The following FBXO33 variants were observed in gnomAD, a reference collection of about 807,000 sequenced individuals.
FBXO33 encodes F-box protein 33.
FBXO33 carries 22 observed loss-of-function variants against 46.3 expected under a neutral mutation model. The observed-to-expected ratio is 0.48, with a 90% confidence interval of 0.34 to 0.68. FBXO33 has a LOEUF of 0.68. Among genes scored for constraint, FBXO33 ranks in the 30% least tolerant of loss-of-function variants. FBXO33 has a pLI of 0.01. For missense variants in FBXO33, 692 were observed against 708.8 expected (o/e 0.98, Z 0.27); for synonymous variants, 337 against 291.3 (o/e 1.16, Z -1.60).
chr14:39,404,953 TC>T lies in FBXO33; in HGVS notation c.600-2443del, dbSNP rs777165419. ...CACGAGGTCAGGAGTTCGAGACCAG[TC>T]CGGCCAACATAGTGAAACCCCATGT... On this transcript the variant is annotated intron_variant, in intron 1 of 3. Transcript: ENST00000298097. Among the ~76,000 whole-genome samples the T allele has an allele frequency of 6.8e-4, 103 of 151,602 alleles. 1 individual carries two copies. The highest frequency in any genetic ancestry group is 4.6e-3 in the Admixed American group (70 of 15,238).
chr14:39,430,880 A>T (rs1047109505), intron 1 of FBXO33, among the ~76,000 whole-genome samples: 17 of 152,010 alleles, frequency 1.1e-4, no homozygotes, highest in Admixed American at 6.6e-4. Flanking sequence ...CCCTCTGCAG[A>T]CCCTGGCCAA....
intron 1 of FBXO33, among the ~76,000 whole-genome samples, chr14:39,416,764 T>G (rs2139413004): frequency 6.6e-6 from 1 of 152,312 alleles, no homozygotes; most frequent in South Asian, 2.1e-4. Flanking sequence ...TACCAGTGTT[T>G]TCATGTAACT....
At chr14:39,415,309 A>G (rs1209645542) in intron 1 of FBXO33, among the ~76,000 whole-genome samples, 1 of 152,190 alleles carries the variant, frequency 6.6e-6, no homozygotes. Flanking sequence ...GAAAATGACG[A>G]CGACAACAAC....
chr14:39,431,677 G>T lies in FBXO33; in HGVS notation c.486C>A (p.Thr162=). The change falls in exon 1 of 4, where the codon ACC becomes ACA. Residue 162 remains threonine, a synonymous_variant. Coordinates refer to ENST00000298097, the MANE Select transcript of FBXO33 (RefSeq NM_203301.4). ...GGPGDGGGAD[T]GTGGEEVEAL... ...CCTCGACTTCCTCCCCTCCAGTCCC[G>T]GTGTCCGCGCCACCTCCGTCCCCTG... is the stretch of plus-strand genomic sequence containing the variant. 1 of 1,613,506 alleles carries T rather than the reference G, an allele frequency of 6.2e-7. No individual in the cohort carries two copies. The highest frequency in any genetic ancestry group is 8.5e-7 in the Non-Finnish European group (1 of 1,179,988).
At chr14:39,418,636 G>A (rs1476981944) in intron 1 of FBXO33, among the ~76,000 whole-genome samples, 2 of 151,244 alleles carry the variant, frequency 1.3e-5, no homozygotes, top group African/African-American at 2.4e-5. Context: ...TTAGCCAGGC[G>A]TGGTGGCGGG....
intron 1 of FBXO33, among the ~76,000 whole-genome samples, chr14:39,404,618 G>A (rs1232066350): frequency 6.6e-6 from 1 of 152,072 alleles, no homozygotes; most frequent in African/African-American, 2.4e-5. Flanking sequence ...GAGCCACCGT[G>A]CCCGGCTTTA....
chr14:39,401,989 C>A, intron 2 of FBXO33, 128 bp from the exon 3 acceptor site: 1 of 689,440 alleles, frequency 1.5e-6, no homozygotes, highest in South Asian at 2.0e-5. Flanking sequence ...TAGGTAATTT[C>A]GATTCAACCC....
intron 3 of FBXO33, among the ~76,000 whole-genome samples, chr14:39,400,923 A>AT (rs1445605657): frequency 1.3e-5 from 2 of 152,186 alleles, no homozygotes; most frequent in Non-Finnish European, 2.9e-5. Flanking sequence ...AATTTCACTG[A>AT]TTTTTTATGA....
chr14:39,421,844 A>ATTCTTTTTTTT (rs2075486533), intron 1 of FBXO33, among the ~76,000 whole-genome samples: 1 of 152,084 alleles, frequency 6.6e-6, no homozygotes, highest in African/African-American at 2.4e-5. Context: ...AAGAATAACC[A>ATTCTTTTTTTT]AAAAGGGGAA....
At chr14:39,412,179 G>A (rs2075426515) in intron 1 of FBXO33, among the ~76,000 whole-genome samples, 1 of 152,014 alleles carries the variant, frequency 6.6e-6, no homozygotes, top group Non-Finnish European at 1.5e-5. Flanking sequence ...TTTTATTATT[G>A]TATTGTTGTT....
At chr14:39,418,249 G>A in intron 1 of FBXO33, among the ~76,000 whole-genome samples, 1 of 150,820 alleles carries the variant, frequency 6.6e-6, no homozygotes, top group Middle Eastern at 3.4e-3. Context: ...GTTTTTAGTA[G>A]AGATGGGGTT....
At chr14:39,407,913 T>C (rs967177769) in intron 1 of FBXO33, among the ~76,000 whole-genome samples, 9 of 152,180 alleles carry the variant, frequency 5.9e-5, no homozygotes, top group Admixed American at 2.6e-4. Context: ...CAAACAGTTG[T>C]ATAAAAGCTC....
At chr14:39,429,642 C>A (rs1421705030) in intron 1 of FBXO33, among the ~76,000 whole-genome samples, 1 of 152,222 alleles carries the variant, frequency 6.6e-6, no homozygotes, top group African/African-American at 2.4e-5. Context: ...AATTACACTA[C>A]ATTTTGAGAC....
rs750744489 is a variant in FBXO33 at position 39,399,796 on chromosome 14, TAAAC to T, written c.1397-13_1397-10del. 2.7e-5 allele frequency: 41 copies of T among 1,537,218 alleles called. No individual in the cohort carries two copies. The East Asian group carries it at 8.4e-4, about 32-fold the overall frequency. ...TGCCCACACCGTGTAACCTGAAAAA[TAAAC>T]AAAAGACAACACTGTAATTTCCTTG... On this transcript the variant is annotated splice_polypyrimidine_tract_variant and intron_variant, in intron 3 of 3. Transcript: ENST00000298097.
intron 1 of FBXO33, among the ~76,000 whole-genome samples, chr14:39,430,048 A>G (rs1389782771): frequency 2.0e-5 from 3 of 152,254 alleles, no homozygotes; most frequent in Non-Finnish European, 4.4e-5. Flanking sequence ...ATCTCAGTAC[A>G]GAAAAATCTA....
chr14:39,420,636 G>A (rs1026489569), intron 1 of FBXO33, among the ~76,000 whole-genome samples: 10 of 152,170 alleles, frequency 6.6e-5, no homozygotes, highest in South Asian at 2.1e-4. Flanking sequence ...GCTTGCAGTA[G>A]GCCGAGATTG....
chr14:39,405,510 G>A (rs1446802259), intron 1 of FBXO33, among the ~76,000 whole-genome samples: 1 of 152,032 alleles, frequency 6.6e-6, no homozygotes. Context: ...GGGTGTGGAG[G>A]CATGGTGGTG....
intron 1 of FBXO33, among the ~76,000 whole-genome samples, chr14:39,420,052 A>G (rs927701017): frequency 2.6e-5 from 4 of 152,232 alleles, no homozygotes; most frequent in Non-Finnish European, 5.9e-5. Context: ...ATCTCGAGCT[A>G]AAGCACATCC....
chr14:39,402,392 A>G lies in FBXO33; in HGVS notation c.710+9T>C, dbSNP rs2075372716. ...GTACAACCTCCTTTCCATTAACCAT[A>G]TAACTTACTGTTTAATTTTTTTGCC... On this transcript the variant is annotated intron_variant, in intron 2 of 3. Transcript: ENST00000298097. 1.4e-6 allele frequency: 2 copies of G among 1,469,880 alleles called. No individual in the cohort carries two copies. Among genetic ancestry groups the G allele is most frequent in the Admixed American group, 1.9e-5 (1 of 52,080 alleles). The allele number at this position is 1,469,880 out of a possible 1,614,324, so 91.1% of individuals were successfully genotyped here.
Sources: gnomAD v4.1 joint callset for allele counts (sites outside exome capture counted in the v4.1 genomes callset) on GRCh38, gnomAD v4.1.1 for gene constraint, MANE v1.5 for transcripts, NCBI Gene and HGNC (gene_info 2026-07-23, HGNC 2026-07-21) for gene names.